ZNF451: variants seen among roughly 807,000 people sequenced by gnomAD.
ZNF451 encodes the protein zinc finger protein 451, also known as E3 SUMO-protein ligase ZNF451.
In ZNF451, 80 loss-of-function variants were observed where a neutral mutation model predicts 107.1. The ratio of observed to expected loss-of-function variants is 0.75; its 90% CI spans 0.62 to 0.90. The LOEUF (loss-of-function observed/expected upper bound fraction) is 0.90, where lower values mean the gene tolerates loss of function less well. Among genes scored for constraint, ZNF451 ranks in the 40% least tolerant of loss-of-function variants. The probability of loss-of-function intolerance (pLI) is 0.00; values close to 1 mark genes in which losing one functional copy is unlikely to be tolerated. For synonymous variants in ZNF451, 362 were observed against 406.5 expected (o/e 0.89, Z 1.32); for missense variants, 1,107 against 1,236.2 (o/e 0.90, Z 1.57).
chr6:57,168,451 A>G lies in ZNF451; in HGVS notation c.3168A>G (p.Arg1056=). 6.2e-7 allele frequency: 1 copy of G among 1,608,660 alleles called. No homozygotes were observed. Among genetic ancestry groups the G allele is most frequent in the Non-Finnish European group, 8.5e-7 (1 of 1,177,386 alleles). ...EDVELEEAIR[R]SLEEM is the part of the protein sequence containing the mutation. ...TGGAATTAGAAGAAGCTATTAGAAG[A>G]AGTCTTGAGGAAATGTAATTAAAGA... Residue 1056 remains arginine, a synonymous_variant, in exon 15 of 15, where the codon AGA becomes AGG. Transcript: ENST00000370706.
At chr6:57,162,177 T>C (rs1763699903) in intron 14 of ZNF451, among the ~76,000 whole-genome samples, 1 of 152,160 alleles carries the variant, frequency 6.6e-6, no homozygotes, top group Non-Finnish European at 1.5e-5. Context: ...ATGTTTATTG[T>C]TGGAGATTAT....
At chr6:57,106,894 C>G (rs1237744012) in intron 3 of ZNF451, 7 of 954,654 alleles carry the variant, frequency 7.3e-6, no homozygotes, top group African/African-American at 1.8e-5. Flanking sequence ...GAATGCAAAT[C>G]TTTTTATTAT....
At chr6:57,155,731 A>T (rs1033913602) in intron 13 of ZNF451, among the ~76,000 whole-genome samples, 1 of 151,818 alleles carries the variant, frequency 6.6e-6, no homozygotes, top group African/African-American at 2.4e-5. Context: ...GTAGACTTGC[A>T]TGGGTATATT....
At chr6:57,113,673 G>A (rs1253568958) in intron 3 of ZNF451, among the ~76,000 whole-genome samples, 4 of 149,298 alleles carry the variant, frequency 2.7e-5, no homozygotes, top group Admixed American at 1.3e-4. Flanking sequence ...CCAGGCTGGA[G>A]TGCAGTGGTG....
rs771410159 is a variant in ZNF451, at chr6:57,148,431, G to T, written c.2346G>T (p.Glu782Asp). 2 of 1,613,862 alleles carry T rather than the reference G, an allele frequency of 1.2e-6. No homozygotes were observed. Among genetic ancestry groups the T allele is most frequent in the Non-Finnish European group, 1.7e-6 (2 of 1,179,894 alleles). The change falls in exon 10 of 15, where the codon GAG (glutamate) becomes GAT (aspartate). Residue 782 changes from glutamate (E) to aspartate (D), a missense_variant. Transcript: ENST00000370706. ...AAGTGCACAAAGAAAAGAGTGATGA[G>T]GAGGAGCAGCAGTATGTAATCAAGT... ...IHQVHKEKSD[E>D]EEQQYVIKCG...
intron 5 of ZNF451, among the ~76,000 whole-genome samples, chr6:57,131,156 G>C (rs924687738): frequency 2.0e-5 from 3 of 152,008 alleles, no homozygotes; most frequent in African/African-American, 7.2e-5. Context: ...TTATAATTCA[G>C]TTCTTTCATT....
At chr6:57,158,017 T>C (rs1763511843) in intron 13 of ZNF451, among the ~76,000 whole-genome samples, 1 of 152,248 alleles carries the variant, frequency 6.6e-6, no homozygotes, top group Non-Finnish European at 1.5e-5. Context: ...TCCATATGCT[T>C]TTTAATCCCC....
chr6:57,106,333 C>CGG (rs1450007696), intron 3 of ZNF451: 1 of 852,890 alleles, frequency 1.2e-6, no homozygotes, highest in African/African-American at 2.3e-5. Context: ...TTTTTTGAGA[C>CGG]AGTTTCGCTC....
At chr6:57,125,343 A>G (rs964183180) in intron 4 of ZNF451, among the ~76,000 whole-genome samples, 4 of 152,204 alleles carry the variant, frequency 2.6e-5, no homozygotes, top group African/African-American at 4.8e-5. Context: ...AATGAAGCCC[A>G]TTTTTAGAAT....
intron 14 of ZNF451, among the ~76,000 whole-genome samples, chr6:57,164,235 A>G (rs1562632573): frequency 2.6e-5 from 4 of 152,222 alleles, no homozygotes; most frequent in Non-Finnish European, 4.4e-5. Context: ...CATACTGCCT[A>G]AGTTAAAACT....
chr6:57,145,154 AGTT>A (rs1288345914), intron 9 of ZNF451, among the ~76,000 whole-genome samples: 2 of 152,118 alleles, frequency 1.3e-5, no homozygotes, highest in East Asian at 1.9e-4. Flanking sequence ...GTGAAGACAC[AGTT>A]GTTCTATTTT....
chr6:57,157,622 A>G (rs956878790), intron 13 of ZNF451, among the ~76,000 whole-genome samples: 11 of 152,190 alleles, frequency 7.2e-5, no homozygotes, highest in Non-Finnish European at 1.3e-4. Context: ...TAAAAAGTCT[A>G]TTAACTTTAA....
intron 14 of ZNF451, among the ~76,000 whole-genome samples, chr6:57,168,050 C>G (rs1210375668): frequency 6.6e-6 from 1 of 151,988 alleles, no homozygotes; most frequent in Non-Finnish European, 1.5e-5. Flanking sequence ...CATGGAGTTG[C>G]CTTTCTGTTT....
Position 57,121,396 on chromosome 6 carries a change from T to G in ZNF451, c.187-3338T>G, listed in dbSNP as rs537088958. ...CTCCATATACACTTCAAATTGAGGTTGTTGTTATACAAAAAATAATGTTAG... is the reference window on the plus strand; with the variant it reads ...CTCCATATACACTTCAAATTGAGGTGGTTGTTATACAAAAAATAATGTTAG... On this transcript the variant is annotated intron_variant, in intron 3 of 14. Coordinates refer to ENST00000370706, the MANE Select transcript of ZNF451 (RefSeq NM_001031623.3). Among the ~76,000 whole-genome samples, 19 of 152,316 alleles carry G rather than the reference T, an allele frequency of 1.2e-4. 1 individual carries two copies. In the South Asian group the frequency reaches 2.7e-3, roughly 22 times the overall value.
chr6:57,091,395 G>A (rs1005816126), intron 2 of ZNF451: 1 of 132,058 alleles, frequency 7.6e-6, no homozygotes, highest in African/African-American at 2.9e-5. Flanking sequence ...TACATCACTG[G>A]GAACATGCTC....
In ZNF451 at chr6:57,130,638, G is replaced by A. The variant is rs547199823; in HGVS notation, c.424+1798G>A. ...AGAATGGTAGTCGGGCCAGTAATATGCCCTTCAAGCTTAATATCTGGCCTC... is the reference window on the plus strand; with the variant it reads ...AGAATGGTAGTCGGGCCAGTAATATACCCTTCAAGCTTAATATCTGGCCTC... On this transcript the variant is annotated intron_variant, in intron 5 of 14. Coordinates refer to ENST00000370706, the MANE Select transcript of ZNF451 (RefSeq NM_001031623.3). Among the ~76,000 whole-genome samples, 3 of 152,236 alleles carry A rather than the reference G, an allele frequency of 2.0e-5. No homozygotes were observed. The South Asian group carries it at 6.2e-4, about 32-fold the overall frequency.
At chr6:57,093,154 A>G (rs1322550456) in intron 2 of ZNF451, 1 of 152,188 alleles carries the variant, frequency 6.6e-6, no homozygotes, top group African/African-American at 2.4e-5. Context: ...TTACTTCTAA[A>G]AAACTAATAG....
chr6:57,146,478 G>T (rs577088343), intron 9 of ZNF451, among the ~76,000 whole-genome samples: 2 of 152,158 alleles, frequency 1.3e-5, no homozygotes, highest in South Asian at 4.1e-4. Context: ...TTATTCTTCT[G>T]CATATGGCTG....
intron 14 of ZNF451, among the ~76,000 whole-genome samples, chr6:57,167,571 AAC>A (rs1763953178): frequency 6.6e-6 from 1 of 152,160 alleles, no homozygotes; most frequent in Admixed American, 6.6e-5. Context: ...TAGACAACAT[AAC>A]ACTAGTGCCC....
Sources: gnomAD v4.1 joint callset for allele counts (sites outside exome capture counted in the v4.1 genomes callset) on GRCh38, gnomAD v4.1.1 for gene constraint, MANE v1.5 for transcripts, NCBI Gene and HGNC (gene_info 2026-07-23, HGNC 2026-07-21) for gene names.